Variants in CCDC32 observed in about 807,000 individuals in gnomAD.
CCDC32 encodes coiled-coil domain containing 32, also known as coiled-coil domain-containing protein 32.
A neutral mutation model predicts 20.1 loss-of-function variants in CCDC32; 9 were observed. The observed-to-expected ratio is 0.45, with a 90% CI of 0.27 to 0.78. The LOEUF is 0.78. Among genes scored for constraint, CCDC32 ranks in the 30% least tolerant of loss-of-function variants. The pLI is 0.16. For synonymous variants in CCDC32, 63 were observed against 79.0 expected, an observed-to-expected ratio of 0.80 and a Z score of 1.07; for missense variants, 204 against 215.5, an observed-to-expected ratio of 0.95 and a Z score of 0.33.
chr15:40,561,507 A>G (rs1050261559), intron 2 of CCDC32, among the ~76,000 whole-genome samples: 1 of 151,862 alleles, frequency 6.6e-6, no homozygotes, highest in African/African-American at 2.4e-5. Flanking sequence ...CAAAAAAAAA[A>G]CAAAACACAA....
intron 3 of CCDC32, among the ~76,000 whole-genome samples, chr15:40,545,324 T>G (rs1889570474): frequency 6.6e-6 from 1 of 152,154 alleles, no homozygotes; most frequent in Non-Finnish European, 1.5e-5. Context: ...CTATCTGCTT[T>G]CTTCTGCACA....
intron 3 of CCDC32, among the ~76,000 whole-genome samples, chr15:40,546,148 T>A (rs1010135461): frequency 6.6e-6 from 1 of 152,160 alleles, no homozygotes; most frequent in Non-Finnish European, 1.5e-5. Context: ...AATATCATGT[T>A]TATTTCTAGC....
chr15:40,549,477 TC>T (rs1174217519), downstream of CCDC32, among the ~76,000 whole-genome samples: 1 of 152,190 alleles, frequency 6.6e-6, no homozygotes, highest in African/African-American at 2.4e-5. Flanking sequence ...ACACGGCCTC[TC>T]TCCTACCCCA....
downstream of CCDC32, among the ~76,000 whole-genome samples, chr15:40,528,080 G>A (rs542827237): frequency 2.8e-4 from 43 of 152,296 alleles, 1 homozygote; most frequent in East Asian, 3.1e-3. Context: ...CTCAGCGGTC[G>A]ATACTGACTG....
At chr15:40,539,189 C>A, downstream of CCDC32, 1 of 1,475,468 alleles carries the variant, frequency 6.8e-7, no homozygotes, top group South Asian at 1.2e-5. Context: ...ACAGAAAGGT[C>A]AATCCCACAT....
chr15:40,532,216 C>A, downstream of CCDC32: 2 of 687,472 alleles, frequency 2.9e-6, no homozygotes, highest in South Asian at 1.5e-5. Flanking sequence ...TTTGTGCGTT[C>A]ATATGGAATG....
At chr15:40,534,988 A>C (rs1274420978), downstream of CCDC32, 10 of 702,904 alleles carry the variant, frequency 1.4e-5, no homozygotes, top group Non-Finnish European at 2.3e-5. Context: ...GGGTTTAGTG[A>C]CTTGATCTTC....
chr15:40,538,615 A>C (rs1446434990), downstream of CCDC32: 1 of 152,298 alleles, frequency 6.6e-6, no homozygotes, highest in Non-Finnish European at 1.5e-5. Flanking sequence ...CTTGTCAGAG[A>C]AGAGGCCGCT....
chr15:40,523,175 T>C, the CCDC32 span, among the ~76,000 whole-genome samples: 2 of 151,228 alleles, frequency 1.3e-5, no homozygotes, highest in Non-Finnish European at 3.0e-5. Flanking sequence ...AGTGAGCCAC[T>C]GTACCTGGCC....
At position 40,553,969 on chromosome 15, in the gene CCDC32, AT is replaced by A. The variant is rs1890058116; in HGVS notation, c.*1del. On this transcript the variant is annotated 3_prime_UTR_variant, in exon 4 of 4. Transcript: ENST00000416810. Reference sequence around the variant, plus strand: ...GTGTGTGTGTGTGTGTGTGTGTGTAATTTACTGTTCTGCTGCTGCTGGCTTG... The same window carrying A: ...GTGTGTGTGTGTGTGTGTGTGTGTAATTACTGTTCTGCTGCTGCTGGCTTG... The A allele has an allele frequency of 6.5e-7, 1 of 1,531,496 alleles. No individual in the cohort carries two copies. The highest frequency in any genetic ancestry group is 8.7e-7 in the Non-Finnish European group (1 of 1,150,698). 94.9% of individuals were successfully genotyped at this position (1,531,496 alleles called of 1,614,324 possible). A position where few individuals can be genotyped will look rare whatever the true frequency, so the allele number is the denominator to read the frequency against.
downstream of CCDC32, among the ~76,000 whole-genome samples, chr15:40,548,383 G>A (rs1221961951): frequency 1.3e-5 from 2 of 152,098 alleles, no homozygotes; most frequent in African/African-American, 2.4e-5. Context: ...TGCAACCATC[G>A]CAGACTAGAG....
At chr15:40,537,970 C>A (rs1889199952), downstream of CCDC32, 1 of 152,200 alleles carries the variant, frequency 6.6e-6, no homozygotes, top group South Asian at 2.1e-4. Context: ...GCTGGAGCTT[C>A]AGTAATGCTG....
At chr15:40,541,119 A>G (rs1021344102) in intron 3 of CCDC32, among the ~76,000 whole-genome samples, 1 of 152,168 alleles carries the variant, frequency 6.6e-6, no homozygotes, top group Non-Finnish European at 1.5e-5. Context: ...CATTTCTGTG[A>G]CCAGCCGCAG....
chr15:40,558,823 G>A (rs898799844), intron 2 of CCDC32, among the ~76,000 whole-genome samples: 5 of 148,664 alleles, frequency 3.4e-5, no homozygotes, highest in East Asian at 2.0e-4. Flanking sequence ...TTTTTGAGAC[G>A]GAGTCTCGCT....
intron 3 of CCDC32, among the ~76,000 whole-genome samples, chr15:40,541,583 C>T (rs1210699059): frequency 6.6e-6 from 1 of 152,198 alleles, no homozygotes; most frequent in Non-Finnish European, 1.5e-5. Context: ...CCACCCGCCT[C>T]AGCCTCCCAC....
At position 40,553,559 on chromosome 15, in the gene CCDC32, G is replaced by C; in HGVS notation, c.*412C>G. Reference sequence around the variant, plus strand: ...CTTGGGACACAAGCATGAATGTCCGGAAGAGGCAAGAAAATATATGGCTCA... The same window carrying C: ...CTTGGGACACAAGCATGAATGTCCGCAAGAGGCAAGAAAATATATGGCTCA... On this transcript the variant is annotated 3_prime_UTR_variant, in exon 4 of 4. Transcript: ENST00000416810. The C allele has an allele frequency of 3.0e-6, 3 of 992,356 alleles. No homozygotes were observed. Among genetic ancestry groups the C allele is most frequent in the Non-Finnish European group, 3.6e-6 (3 of 834,428 alleles). 61.5% of individuals were successfully genotyped at this position (992,356 alleles called of 1,614,324 possible). A position where few individuals can be genotyped will look rare whatever the true frequency, so the allele number is the denominator to read the frequency against.
downstream of CCDC32, among the ~76,000 whole-genome samples, chr15:40,524,742 T>TC: frequency 2.4e-4 from 3 of 12,402 alleles, no homozygotes; most frequent in African/African-American, 3.4e-4. Context: ...TTTCTTTCTT[T>TC]TTTTTTTTTT....
At chr15:40,529,196 T>C (rs1888806854) in intron 3 of CCDC32, among the ~76,000 whole-genome samples, 1 of 152,200 alleles carries the variant, frequency 6.6e-6, no homozygotes, top group African/African-American at 2.4e-5. Context: ...AAGGGGAAGC[T>C]TAACACATGG....
intron 2 of CCDC32, among the ~76,000 whole-genome samples, chr15:40,561,046 A>T (rs1193248641): frequency 6.6e-6 from 1 of 152,226 alleles, no homozygotes; most frequent in Non-Finnish European, 1.5e-5. Context: ...ATAATAAAAT[A>T]ATGTCTTCTG....
Sources: gnomAD v4.1 joint callset for allele counts (sites outside exome capture counted in the v4.1 genomes callset) on GRCh38, gnomAD v4.1.1 for gene constraint, MANE v1.5 for transcripts, NCBI Gene and HGNC (gene_info 2026-07-23, HGNC 2026-07-21) for gene names.